PEMT: variants seen among roughly 807,000 people sequenced by gnomAD.
The protein encoded by PEMT is phospholipid methyltransferase.
Under a neutral mutation model 27.4 loss-of-function variants are expected in PEMT, and 23 were observed. The ratio of observed to expected loss-of-function variants is 0.84; its 90% CI spans 0.60 to 1.19. The LOEUF (loss-of-function observed/expected upper bound fraction) is 1.19. Among genes scored for constraint, PEMT ranks in the 50% most tolerant of loss-of-function variants. The pLI is 0.00. For synonymous variants in PEMT, 137 were observed against 139.1 expected (o/e 0.98, Z 0.11); for missense variants, 307 against 310.1 (o/e 0.99, Z 0.07).
chr17:17,536,838 T>C (rs1157732568), intron 2 of PEMT, among the ~76,000 whole-genome samples: 1 of 152,202 alleles, frequency 6.6e-6, no homozygotes, highest in Non-Finnish European at 1.5e-5. Flanking sequence ...GGCCTGGCAG[T>C]GTCAGCCCCT....
At chr17:17,522,447 G>T (rs780208693) in intron 2 of PEMT, 52 bp from the exon 3 acceptor site, 2 of 1,105,496 alleles carry the variant, frequency 1.8e-6, no homozygotes, top group South Asian at 2.6e-5. Context: ...GAGACTCCAG[G>T]GTGGGGGTGG....
intron 2 of PEMT, among the ~76,000 whole-genome samples, chr17:17,549,152 C>A (rs1457956313): frequency 6.6e-6 from 1 of 152,204 alleles, no homozygotes; most frequent in Admixed American, 6.5e-5. Flanking sequence ...GGACTACAGG[C>A]ATGTGCCACC....
chr17:17,586,844 T>C lies in PEMT; in HGVS notation c.96+4687A>G, dbSNP rs112511285. 1.4e-3 allele frequency among the ~76,000 whole-genome samples: 215 copies of C among 151,848 alleles called. 1 individual carries two copies. Among genetic ancestry groups the C allele is most frequent in the African/African-American group, 4.7e-3 (193 of 41,380 alleles). On this transcript the variant is annotated intron_variant, in intron 1 of 6. Coordinates refer to ENST00000255389, the MANE Select transcript of PEMT (RefSeq NM_148172.3). ...ATGGTGAAACCCCATCTCTACTAAA[T>C]ATACAAAAATTAACCAGGCGTGGTG... is the stretch of plus-strand genomic sequence containing the variant.
At chr17:17,521,971 C>T (rs760212944) in intron 3 of PEMT, among the ~76,000 whole-genome samples, 2 of 152,184 alleles carry the variant, frequency 1.3e-5, no homozygotes, top group African/African-American at 2.4e-5. Context: ...TGGACGCTTC[C>T]TGGAGGAGAC....
At chr17:17,543,046 G>A (rs1029977842) in intron 2 of PEMT, among the ~76,000 whole-genome samples, 4 of 152,194 alleles carry the variant, frequency 2.6e-5, no homozygotes, top group African/African-American at 9.7e-5. Flanking sequence ...ACCCAGTGTG[G>A]TTCCCAGACC....
intron 2 of PEMT, among the ~76,000 whole-genome samples, chr17:17,542,535 G>C (rs967137748): frequency 3.9e-5 from 6 of 152,178 alleles, no homozygotes; most frequent in African/African-American, 1.4e-4. Context: ...GGGAGAGCAG[G>C]CTGAACCATG....
chr17:17,510,600 G>T (rs1279421452), intron 4 of PEMT, among the ~76,000 whole-genome samples: 1 of 152,244 alleles, frequency 6.6e-6, no homozygotes, highest in East Asian at 1.9e-4. Context: ...AGATGGCACA[G>T]AAACCCAATT....
intron 1 of PEMT, among the ~76,000 whole-genome samples, chr17:17,584,600 A>G (rs531536131): frequency 4.6e-5 from 7 of 152,176 alleles, no homozygotes; most frequent in Non-Finnish European, 1.0e-4. Context: ...GTGAGCCACC[A>G]AGCCCAGCCA....
chr17:17,548,426 T>G (rs1909409720), intron 2 of PEMT, among the ~76,000 whole-genome samples: 1 of 152,094 alleles, frequency 6.6e-6, no homozygotes, highest in Non-Finnish European at 1.5e-5. Flanking sequence ...ATTCCAAAGC[T>G]CTAGGCTGCA....
At chr17:17,564,897 C>T (rs1388558139) in intron 2 of PEMT, among the ~76,000 whole-genome samples, 5 of 152,166 alleles carry the variant, frequency 3.3e-5, no homozygotes, top group Non-Finnish European at 7.4e-5. Context: ...CCCTGCACTG[C>T]ACACACCGGG....
upstream of PEMT, chr17:17,591,838 A>C: frequency 7.2e-7 from 1 of 1,388,350 alleles, no homozygotes; most frequent in Non-Finnish European, 9.3e-7. Flanking sequence ...GCCGAGAACT[A>C]CAAGTCCCAG....
At position 17,512,629 on chromosome 17, in the gene PEMT, G is replaced by A. The variant is rs1235548130; in HGVS notation, c.346C>T (p.Pro116Ser). Residue 116 changes from proline to serine, a missense_variant, in exon 4 of 7, where the codon CCC becomes TCC. Transcript: ENST00000255389. This position sits in a 1 kb window ranked among gnomAD's most constrained non-coding sequence, Gnocchi z 6.3. The part of the protein sequence containing the change: ...HCFTQAMLSQ[P>S]RMESLDTPAA... ...GGGGTGTCCAGGCTCTCCATCCTGGGCTGGCTCAGCATGGCCTGCGTGAAG... is the reference window on the plus strand; with the variant it reads ...GGGGTGTCCAGGCTCTCCATCCTGGACTGGCTCAGCATGGCCTGCGTGAAG... The A allele has an allele frequency of 1.9e-6, 3 of 1,574,542 alleles. No individual in the cohort carries two copies. Among genetic ancestry groups the A allele is most frequent in the South Asian group, 2.3e-5 (2 of 85,514 alleles).
At position 17,559,259 on chromosome 17, in the gene PEMT, G is replaced by C. The variant is rs182954638; in HGVS notation, c.204+17661C>G. ...ACCCTGGGGAGGGCTGGAGGCAGTG[G>C]GGTCTGAAGGAACACTACGTTAGGA... On this transcript the variant is annotated intron_variant, in intron 2 of 6. Coordinates refer to ENST00000255389, the MANE Select transcript of PEMT (RefSeq NM_148172.3). Among the ~76,000 whole-genome samples, 103 of 152,330 alleles carry C rather than the reference G, an allele frequency of 6.8e-4. 3 individuals carry two copies. The East Asian group carries it at 0.011, about 16-fold the overall frequency.
intron 2 of PEMT, among the ~76,000 whole-genome samples, chr17:17,567,096 T>C (rs532831360): frequency 3.7e-4 from 56 of 152,314 alleles, no homozygotes; most frequent in African/African-American, 1.3e-3. Flanking sequence ...GAAGACACGC[T>C]TGGGTCCCAC....
At chr17:17,539,050 G>A (rs888677640) in intron 2 of PEMT, among the ~76,000 whole-genome samples, 2 of 152,162 alleles carry the variant, frequency 1.3e-5, no homozygotes, top group African/African-American at 4.8e-5. Flanking sequence ...ATTTTAGAAG[G>A]GGGGACTTTA....
At chr17:17,537,017 C>T (rs1169325488) in intron 2 of PEMT, among the ~76,000 whole-genome samples, 2 of 152,184 alleles carry the variant, frequency 1.3e-5, no homozygotes, top group Non-Finnish European at 1.5e-5. Flanking sequence ...CCTTACAGGC[C>T]GGGGGGCACG....
intron 2 of PEMT, among the ~76,000 whole-genome samples, chr17:17,544,073 G>C (rs555204861): frequency 6.6e-6 from 1 of 151,936 alleles, no homozygotes; most frequent in Non-Finnish European, 1.5e-5. Context: ...GTCGGTGAGG[G>C]GGGCACTGGA....
upstream of PEMT, chr17:17,592,142 T>A (rs909070615): frequency 1.0e-6 from 1 of 981,788 alleles, no homozygotes; most frequent in Non-Finnish European, 1.2e-6. Flanking sequence ...CGCTTTACTC[T>A]GGGGGCGGTG....
intron 3 of PEMT, among the ~76,000 whole-genome samples, chr17:17,520,183 G>A (rs1004178360): frequency 6.6e-6 from 1 of 152,202 alleles, no homozygotes; most frequent in Non-Finnish European, 1.5e-5. Context: ...GATGCCTGGG[G>A]GCTGGAGGGC....
Sources: allele counts gnomAD v4.1 joint callset (sites outside exome capture counted in the v4.1 genomes callset), GRCh38; gene constraint gnomAD v4.1.1; non-coding constraint Gnocchi (gnomAD v3.1); transcripts MANE v1.5; gene names NCBI Gene and HGNC (gene_info 2026-07-23, HGNC 2026-07-21).